The following MRPL36 variants were observed in gnomAD, a reference collection of about 807,000 sequenced individuals.
MRPL36 encodes large ribosomal subunit protein bL36m.
In MRPL36, 1 loss-of-function variant was observed where a neutral mutation model predicts 2.8. The ratio of observed to expected loss-of-function variants is 0.36; its 90% CI spans 0.13 to 1.69. MRPL36 has a LOEUF of 1.69. Among genes scored for constraint, MRPL36 ranks in the 40% most tolerant of loss-of-function variants. The probability of loss-of-function intolerance (pLI) is 0.35; values close to 1 mark genes in which losing one functional copy is unlikely to be tolerated. For synonymous variants in MRPL36, 68 were observed against 54.8 expected (o/e 1.24, Z -1.06); for missense variants, 148 against 132.7 (o/e 1.12, Z -0.57).
chr5:1,801,236 A>G, upstream of MRPL36: 1 of 852,654 alleles, frequency 1.2e-6, no homozygotes, highest in African/African-American at 1.7e-5. Flanking sequence ...TTAGCGAGAT[A>G]CCTGGGATGA....
upstream of MRPL36, among the ~76,000 whole-genome samples, chr5:1,800,617 T>C (rs1300945676): frequency 6.6e-6 from 1 of 152,198 alleles, no homozygotes. Context: ...TCCTCCTCTT[T>C]ATCATCTTCC....
rs1158616110 is a variant in MRPL36, at chr5:1,798,403, T to C, written c.*221A>G. On this transcript the variant is annotated 3_prime_UTR_variant, in exon 2 of 2. Transcript: ENST00000505059. ...ACTAAGCTATTCGGAAGGTCTATTT[T>C]AATAGGAAAATGTTTTTTAGTTGGA... 2.0e-6 allele frequency: 1 copy of C among 495,324 alleles called. No individual in the cohort carries two copies. The highest frequency in any genetic ancestry group is 3.6e-6 in the Non-Finnish European group (1 of 276,690). 30.7% of individuals were successfully genotyped at this position (495,324 alleles called of 1,614,324 possible). A position where few individuals can be genotyped will look rare whatever the true frequency, so the allele number is the denominator to read the frequency against.
At chr5:1,801,307 TCCCCGCC>T (rs1003422621), upstream of MRPL36, 25 of 1,105,260 alleles carry the variant, frequency 2.3e-5, no homozygotes, top group Non-Finnish European at 2.8e-5. Context: ...CGACCCGCGC[TCCCCGCC>T]CCCAGGGCGA....
chr5:1,800,811 C>T (rs1256957286), upstream of MRPL36, among the ~76,000 whole-genome samples: 1 of 152,186 alleles, frequency 6.6e-6, no homozygotes, highest in African/African-American at 2.4e-5. Flanking sequence ...GTGTACTAGG[C>T]TTTGTTGCAG....
upstream of MRPL36, chr5:1,801,260 C>T: frequency 8.9e-7 from 1 of 1,123,878 alleles, no homozygotes; most frequent in Non-Finnish European, 1.2e-6. Flanking sequence ...CGGGTGACCA[C>T]CTGAATCAGA....
chr5:1,801,402 A>G, upstream of MRPL36: 6 of 1,604,514 alleles, frequency 3.7e-6, no homozygotes, highest in Non-Finnish European at 5.1e-6. Flanking sequence ...GCCGGGTCAA[A>G]GGCCAGCGGC....
At chr5:1,801,397 G>T (rs745924898), upstream of MRPL36, 8 of 1,604,028 alleles carry the variant, frequency 5.0e-6, no homozygotes, top group Non-Finnish European at 5.9e-6. Context: ...GTTGCGCCGG[G>T]TCAAAGGCCA....
At chr5:1,800,034 A>C (rs1453476985), upstream of MRPL36, 1 of 152,234 alleles carries the variant, frequency 6.6e-6, no homozygotes, top group African/African-American at 2.4e-5. Flanking sequence ...CGGGAAAAAA[A>C]ATGCAAAAAC....
upstream of MRPL36, among the ~76,000 whole-genome samples, chr5:1,800,426 C>G (rs1032992901): frequency 1.3e-5 from 2 of 152,154 alleles, no homozygotes; most frequent in South Asian, 4.1e-4. Context: ...GCGTCCACTC[C>G]GCGCTCCCTG....
At chr5:1,801,214 T>C, upstream of MRPL36, 1 of 725,254 alleles carries the variant, frequency 1.4e-6, no homozygotes, top group Non-Finnish European at 2.2e-6. Context: ...CTCGGTGTAA[T>C]CAGGGGCATT....
intron 1 of MRPL36, 134 bp from the exon 2 acceptor site, chr5:1,799,081 T>C (rs999069631): frequency 4.5e-6 from 3 of 671,958 alleles, no homozygotes; most frequent in Admixed American, 3.0e-5. Context: ...CCATACCAGC[T>C]GCAGCCTCGA....
Position 1,798,761 on chromosome 5 carries a change from G to A in MRPL36, c.175C>T (p.His59Tyr), listed in dbSNP as rs748960433. The change falls in exon 2 of 2, where the codon CAT becomes TAT. Residue 59 changes from histidine (H) to tyrosine (Y), a missense_variant. Transcript: ENST00000505059. ...RSLLSPGLLPHLLPALGFKNK... is the reference protein window; with the variant it reads ...RSLLSPGLLPYLLPALGFKNK... ...TTGAACCCCAGCGCAGGCAGCAGAT[G>A]GGGCAGGAGGCCGGGTGAGAGAAGT... The A allele has an allele frequency of 1.2e-6, 2 of 1,614,028 alleles. No individual in the cohort carries two copies. The highest frequency in any genetic ancestry group is 2.2e-5 in the South Asian group (2 of 91,070).
intron 1 of MRPL36, 76 bp from the exon 2 acceptor site, chr5:1,799,023 T>C: frequency 8.0e-7 from 1 of 1,249,256 alleles, no homozygotes; most frequent in Non-Finnish European, 1.1e-6. Context: ...CTTTTCTCTG[T>C]TTCACTGAGG....
Position 1,798,758 on chromosome 5 carries a change from G to C in MRPL36, c.178C>G (p.Leu60Val). The C allele has an allele frequency of 6.2e-7, 1 of 1,614,078 alleles. No individual in the cohort carries two copies. The highest frequency in any genetic ancestry group is 1.7e-5 in the Admixed American group (1 of 60,026). Residue 60 changes from leucine (L) to valine (V), a missense_variant, in exon 2 of 2, where the codon CTG becomes GTG. Physicochemically the swap from Leu to Val is conservative, Grantham distance 32. Coordinates refer to ENST00000505059, the MANE Select transcript of MRPL36 (RefSeq NM_032479.4). ...TTTTTGAACCCCAGCGCAGGCAGCA[G>C]ATGGGGCAGGAGGCCGGGTGAGAGA... ...SLLSPGLLPH[L>V]LPALGFKNKT...
chr5:1,800,083 A>G (rs1246289477), upstream of MRPL36, among the ~76,000 whole-genome samples: 1 of 152,224 alleles, frequency 6.6e-6, no homozygotes, highest in Non-Finnish European at 1.5e-5. Flanking sequence ...AAAAGAAATT[A>G]CAACCACTTA....
At chr5:1,801,342 T>C (rs1579936605), upstream of MRPL36, 3 of 1,551,402 alleles carry the variant, frequency 1.9e-6, no homozygotes, top group African/African-American at 2.7e-5. Context: ...ACCGGGTGTT[T>C]GGCGCCGCCA....
In MRPL36 at chr5:1,799,798, G is replaced by GCCCTTACCCGGCCC. The variant is rs1733976675; in HGVS notation, c.-20_-19insGGGCCGGGTAAGGG. 1.8e-5 allele frequency: 1 copy of GCCCTTACCCGGCCC among 55,324 alleles called. No homozygotes were observed. Among genetic ancestry groups the GCCCTTACCCGGCCC allele is most frequent in the Admixed American group, 2.2e-4 (1 of 4,540 alleles). The allele number at this position is 55,324 out of a possible 1,614,324, so 3.4% of individuals were successfully genotyped here. On this transcript the variant is annotated 5_prime_UTR_variant, in exon 1 of 2. Transcript: ENST00000505059. ...GAGAAGACGGCTCCCTTACCCGGCC[G>GCCCTTACCCGGCCC]CACGCTCTCACCCGGCGCCGACCCC...
At chr5:1,801,279 C>T (rs1232787206), upstream of MRPL36, 1 of 1,296,024 alleles carries the variant, frequency 7.7e-7, no homozygotes, top group African/African-American at 1.5e-5. Context: ...GAGAGCAGCT[C>T]CGGCGCACCC....
Position 1,798,921 on chromosome 5 carries a change from A to T in MRPL36, c.15T>A (p.Phe5Leu). The T allele has an allele frequency of 6.3e-7, 1 of 1,591,708 alleles. No homozygotes were observed. Among genetic ancestry groups the T allele is most frequent in the Non-Finnish European group, 8.6e-7 (1 of 1,163,830 alleles). The stretch of plus-strand genomic sequence containing the variant: ...GCAGAGGGTTCACCATTTTCCTTAT[A>T]AAAAGATTTGCCATGTTGTGGTGAA... MANL[F>L]IRKMVNPLLY... Residue 5 changes from phenylalanine to leucine, a missense_variant, in exon 2 of 2, where the codon TTT becomes TTA. Phe to Leu is a conservative substitution (Grantham distance 22, BLOSUM62 0). Transcript: ENST00000505059.
Sources: allele counts gnomAD v4.1 joint callset (sites outside exome capture counted in the v4.1 genomes callset), GRCh38; gene constraint gnomAD v4.1.1; transcripts MANE v1.5; gene names NCBI Gene and HGNC (gene_info 2026-07-23, HGNC 2026-07-21).